CD247: variants seen among roughly 807,000 people sequenced by gnomAD.
CD247 encodes CD247 molecule.
Under a neutral mutation model 30.0 loss-of-function variants are expected in CD247, and 13 were observed. That is an observed-to-expected ratio of 0.43 (90% confidence interval 0.28 to 0.69). The LOEUF is 0.69. Among genes scored for constraint, CD247 ranks in the 30% least tolerant of loss-of-function variants. CD247 has a pLI of 0.16. For missense variants in CD247, 193 were observed against 212.6 expected, an observed-to-expected ratio of 0.91 and a Z score of 0.57; for synonymous variants, 72 against 80.0, an observed-to-expected ratio of 0.90 and a Z score of 0.53.
chr1:167,508,615 T>C (rs1367439190), intron 1 of CD247, among the ~76,000 whole-genome samples: 4 of 152,188 alleles, frequency 2.6e-5, no homozygotes, highest in Non-Finnish European at 4.4e-5. Flanking sequence ...GTCTGGGCTT[T>C]GAAGTGTTGA....
chr1:167,490,739 C>A (rs916469138), intron 1 of CD247, among the ~76,000 whole-genome samples: 3 of 152,074 alleles, frequency 2.0e-5, no homozygotes. Flanking sequence ...TCGAGACCAG[C>A]CTTCGTCTCT....
intron 1 of CD247, among the ~76,000 whole-genome samples, chr1:167,454,293 G>C (rs960250158): frequency 2.0e-5 from 3 of 152,192 alleles, no homozygotes; most frequent in African/African-American, 7.2e-5. Context: ...GCCACGGGAG[G>C]GGGAGGCTGG....
chr1:167,493,280 C>T (rs1654533905), intron 1 of CD247, among the ~76,000 whole-genome samples: 1 of 151,972 alleles, frequency 6.6e-6, no homozygotes. Context: ...TGACTTCAGG[C>T]AATCCGCCAG....
In CD247 at chr1:167,440,775, A is replaced by G; in HGVS notation, c.59-8T>C. The G allele has an allele frequency of 6.2e-7, 1 of 1,601,938 alleles. No individual in the cohort carries two copies. Among genetic ancestry groups the G allele is most frequent in the African/African-American group, 1.3e-5 (1 of 74,826 alleles). On this transcript the variant is annotated splice_region_variant and splice_polypyrimidine_tract_variant and intron_variant, in intron 1 of 7. Coordinates refer to ENST00000362089, the MANE Select transcript of CD247 (RefSeq NM_198053.3). ...GGCCAAAGCTCTGTGCCTCTGTGCC[A>G]AGAGATAAAGCTGGTCAGCCAGGCC...
At chr1:167,484,200 G>A (rs1389508073) in intron 1 of CD247, among the ~76,000 whole-genome samples, 1 of 152,156 alleles carries the variant, frequency 6.6e-6, no homozygotes, top group African/African-American at 2.4e-5. Flanking sequence ...TGTTTCTCTG[G>A]GGGTAATTTG....
At chr1:167,486,794 G>T (rs1654227035) in intron 1 of CD247, among the ~76,000 whole-genome samples, 1 of 152,224 alleles carries the variant, frequency 6.6e-6, no homozygotes, top group African/African-American at 2.4e-5. Context: ...AGCTCTGGGT[G>T]GGCATGGTGG....
At chr1:167,512,644 T>C (rs960679699) in intron 1 of CD247, among the ~76,000 whole-genome samples, 3 of 152,216 alleles carry the variant, frequency 2.0e-5, no homozygotes, top group Admixed American at 6.5e-5. Context: ...AAAATGATAT[T>C]CTATTTTGCA....
chr1:167,492,319 CTG>C (rs1451196266), intron 1 of CD247, among the ~76,000 whole-genome samples: 1 of 152,118 alleles, frequency 6.6e-6, no homozygotes, highest in Non-Finnish European at 1.5e-5. Flanking sequence ...TGCTGTTAGC[CTG>C]TTTCACCGAC....
intron 2 of CD247, chr1:167,440,461 C>T: frequency 3.1e-6 from 2 of 637,878 alleles, no homozygotes; most frequent in Non-Finnish European, 5.7e-6. Context: ...CAGGCTCTCC[C>T]TCCTACCCTG....
In CD247 at chr1:167,518,439, C is replaced by A; in HGVS notation, c.27G>T (p.Ala9=). 2 of 1,614,148 alleles carry A rather than the reference C, an allele frequency of 1.2e-6. No homozygotes were observed. Among genetic ancestry groups the A allele is most frequent in the Non-Finnish European group, 1.7e-6 (2 of 1,180,030 alleles). MKWKALFT[A]AILQAQLPIT... ...TCGGCAACTGTGCCTGCAGGATGGC[C>A]GCGGTGAAAAGCGCCTTCCACTTCA... Residue 9 remains alanine (A), a synonymous_variant, in exon 1 of 8, where the codon GCG becomes GCT. Coordinates refer to ENST00000362089, the MANE Select transcript of CD247 (RefSeq NM_198053.3).
intron 7 of CD247, 104 bp downstream of exon 7, chr1:167,432,920 T>C: frequency 7.8e-7 from 1 of 1,281,418 alleles, no homozygotes; most frequent in Non-Finnish European, 1.1e-6. Context: ...CCTGCCCAGC[T>C]GTTGGCAAGA....
rs1019239362 is a variant in CD247 at position 167,430,689 on chromosome 1, G to T, written c.*992C>A. 2 of 398,684 alleles carry T rather than the reference G, an allele frequency of 5.0e-6. No individual in the cohort carries two copies. The highest frequency in any genetic ancestry group is 4.4e-5 in the Admixed American group (1 of 22,738). 24.7% of individuals were successfully genotyped at this position (398,684 alleles called of 1,614,324 possible). ...ATGCAAAATAGGAAGGCTTTAGCAT[G>T]CCAGTATAAATTAAAACAGTAGAAA... On this transcript the variant is annotated 3_prime_UTR_variant, in exon 8 of 8. Coordinates refer to ENST00000362089, the MANE Select transcript of CD247 (RefSeq NM_198053.3).
intron 5 of CD247, chr1:167,434,465 A>G (rs1343038140): frequency 1.1e-5 from 4 of 354,972 alleles, no homozygotes; most frequent in African/African-American, 2.1e-5. Flanking sequence ...GCTGTAGATC[A>G]ACCCTCCCTC....
chr1:167,431,397 A>G lies in CD247; in HGVS notation c.*284T>C. ...GTGAGAGGCAGTGCGCCCGCCTCCC[A>G]GGGAGAACGAGGAACCGCCAGGAGA... On this transcript the variant is annotated 3_prime_UTR_variant, in exon 8 of 8. Coordinates refer to ENST00000362089, the MANE Select transcript of CD247 (RefSeq NM_198053.3). The G allele has an allele frequency of 1.7e-6, 1 of 600,300 alleles. No individual in the cohort carries two copies. Among genetic ancestry groups the G allele is most frequent in the East Asian group, 2.7e-5 (1 of 36,416 alleles). The allele number at this position is 600,300 out of a possible 1,614,324, so 37.2% of individuals were successfully genotyped here.
intron 1 of CD247, among the ~76,000 whole-genome samples, chr1:167,471,029 G>A (rs1417397560): frequency 2.6e-5 from 4 of 151,762 alleles, no homozygotes; most frequent in Non-Finnish European, 4.4e-5. Context: ...CCATCACCAC[G>A]CCCGGCTAAT....
At chr1:167,480,436 C>A (rs1293930207) in intron 1 of CD247, among the ~76,000 whole-genome samples, 1 of 152,204 alleles carries the variant, frequency 6.6e-6, no homozygotes, top group Non-Finnish European at 1.5e-5. Flanking sequence ...CGTCTCCTGT[C>A]CCCAACCTGC....
intron 1 of CD247, among the ~76,000 whole-genome samples, chr1:167,511,247 C>A (rs1655375167): frequency 6.6e-6 from 1 of 152,120 alleles, no homozygotes; most frequent in Non-Finnish European, 1.5e-5. Flanking sequence ...ACCTTTCACA[C>A]CATATGGAGA....
At chr1:167,490,362 C>T (rs763503788) in intron 1 of CD247, among the ~76,000 whole-genome samples, 5 of 152,178 alleles carry the variant, frequency 3.3e-5, no homozygotes, top group Admixed American at 6.5e-5. Context: ...CGGTGGCTCA[C>T]GCCTGTAAGC....
At chr1:167,506,005 G>A (rs889361461) in intron 1 of CD247, among the ~76,000 whole-genome samples, 5 of 152,192 alleles carry the variant, frequency 3.3e-5, no homozygotes, top group African/African-American at 1.2e-4. Flanking sequence ...AAAGTCCTGG[G>A]TTTAAGGGCT....
Sources: allele counts gnomAD v4.1 joint callset (sites outside exome capture counted in the v4.1 genomes callset), GRCh38; gene constraint gnomAD v4.1.1; transcripts MANE v1.5; gene names NCBI Gene and HGNC (gene_info 2026-07-23, HGNC 2026-07-21).